The following RAPGEF5 variants were observed in gnomAD, a reference collection of about 807,000 sequenced individuals.
RAPGEF5 encodes M-Ras-regulated GEF.
RAPGEF5 carries 65 observed loss-of-function variants against 125.2 expected under a neutral mutation model. The ratio of observed to expected loss-of-function variants is 0.52; its 90% CI spans 0.43 to 0.64. The LOEUF is 0.64. RAPGEF5 is among the 30% of genes least tolerant of loss of function. The probability of loss-of-function intolerance (pLI) is 0.00; values close to 1 mark genes in which losing one functional copy is unlikely to be tolerated. For synonymous variants in RAPGEF5, 391 were observed against 385.9 expected, an observed-to-expected ratio of 1.01 and a Z score of -0.16; for missense variants, 958 against 1,048.1, an observed-to-expected ratio of 0.91 and a Z score of 1.19.
intron 12 of RAPGEF5, among the ~76,000 whole-genome samples, chr7:22,163,715 C>G (rs767231064): frequency 6.6e-6 from 1 of 152,164 alleles, no homozygotes; most frequent in Non-Finnish European, 1.5e-5. Context: ...CCAATCTATT[C>G]TTGTTGTCTC....
At position 22,290,833 on chromosome 7, in the gene RAPGEF5, C is replaced by CT. The variant is rs1321161174; in HGVS notation, c.747+341dup. ...CCGGCCTTTTTTGGCTGAAGTAATTCTTTTTTTTCCCTAATGAAAGAGTCT... is the reference window on the plus strand; with the variant it reads ...CCGGCCTTTTTTGGCTGAAGTAATTCTTTTTTTTTCCCTAATGAAAGAGTCT... On this transcript the variant is annotated intron_variant, in intron 6 of 25. Coordinates refer to ENST00000665637, the MANE Select transcript of RAPGEF5 (RefSeq NM_012294.5). Among the ~76,000 whole-genome samples the CT allele has an allele frequency of 1.9e-3, 285 of 150,682 alleles. 3 individuals carry two copies. Among genetic ancestry groups the CT allele is most frequent in the African/African-American group, 6.8e-3 (278 of 41,112 alleles).
At chr7:22,304,860 C>A (rs1018602492) in intron 5 of RAPGEF5, among the ~76,000 whole-genome samples, 1 of 152,174 alleles carries the variant, frequency 6.6e-6, no homozygotes, top group Non-Finnish European at 1.5e-5. Context: ...GAGCATATCA[C>A]AATACAGGAC....
rs764194356 is a variant in RAPGEF5 at position 22,145,271 on chromosome 7, T to C, written c.2008-49A>G. The C allele has an allele frequency of 2.4e-5, 37 of 1,529,510 alleles. No homozygotes were observed. The South Asian group carries it at 4.2e-4, about 17-fold the overall frequency. The allele number at this position is 1,529,510 out of a possible 1,614,324, so 94.7% of individuals were successfully genotyped here. Reference sequence around the variant, plus strand: ...AGGGTTTATTTATAGCAAAGTATGGTTGATACAAAACTCGGTCAAATTTTA... The same window carrying C: ...AGGGTTTATTTATAGCAAAGTATGGCTGATACAAAACTCGGTCAAATTTTA... On this transcript the variant is annotated intron_variant, in intron 19 of 25. Coordinates refer to ENST00000665637, the MANE Select transcript of RAPGEF5 (RefSeq NM_012294.5).
chr7:22,315,886 G>A (rs1783578965), intron 2 of RAPGEF5, among the ~76,000 whole-genome samples: 1 of 151,860 alleles, frequency 6.6e-6, no homozygotes, highest in South Asian at 2.1e-4. Flanking sequence ...AACATACACA[G>A]GTCTTGGAAG....
At chr7:22,297,682 ATTTT>A (rs907443738) in intron 5 of RAPGEF5, among the ~76,000 whole-genome samples, 1 of 152,116 alleles carries the variant, frequency 6.6e-6, no homozygotes, top group East Asian at 1.9e-4. Flanking sequence ...TAATCCTGTG[ATTTT>A]TTTTATGTAT....
intron 1 of RAPGEF5, among the ~76,000 whole-genome samples, chr7:22,334,136 G>A (rs756955281): frequency 9.9e-5 from 15 of 151,902 alleles, no homozygotes; most frequent in African/African-American, 1.5e-4. Context: ...CACACCCCAC[G>A]GACCTCAGCA....
intron 5 of RAPGEF5, among the ~76,000 whole-genome samples, chr7:22,303,519 T>A (rs142523000): frequency 6.6e-6 from 1 of 152,226 alleles, no homozygotes; most frequent in Non-Finnish European, 1.5e-5. Flanking sequence ...TGTGTTTACA[T>A]AGAGCCATTA....
chr7:22,135,129 G>C (rs1783040277), intron 23 of RAPGEF5, among the ~76,000 whole-genome samples: 1 of 152,180 alleles, frequency 6.6e-6, no homozygotes, highest in Admixed American at 6.5e-5. Context: ...AATGAGGATG[G>C]CCAGGCCAAC....
intron 5 of RAPGEF5, among the ~76,000 whole-genome samples, chr7:22,306,432 T>C (rs1783343645): frequency 6.6e-6 from 1 of 152,184 alleles, no homozygotes; most frequent in Non-Finnish European, 1.5e-5. Context: ...GATTTTTTCC[T>C]ATAGAGTTGA....
chr7:22,164,572 T>C (rs966834167), intron 12 of RAPGEF5, among the ~76,000 whole-genome samples: 15 of 152,354 alleles, frequency 9.8e-5, no homozygotes, highest in Non-Finnish European at 2.2e-4. Context: ...TCTCCATTCA[T>C]AGTTATCTGC....
At chr7:22,201,528 C>A (rs1340323558) in intron 9 of RAPGEF5, among the ~76,000 whole-genome samples, 2 of 152,184 alleles carry the variant, frequency 1.3e-5, no homozygotes, top group Admixed American at 1.3e-4. Context: ...TCCTGCTGTC[C>A]AGAAAACAAC....
At chr7:22,160,169 C>A (rs547679448) in intron 14 of RAPGEF5, among the ~76,000 whole-genome samples, 1 of 152,170 alleles carries the variant, frequency 6.6e-6, no homozygotes, top group South Asian at 2.1e-4. Context: ...AAAACTTTTC[C>A]TCCCCATTCC....
chr7:22,263,964 T>C (rs965674613), intron 7 of RAPGEF5, among the ~76,000 whole-genome samples: 5 of 152,092 alleles, frequency 3.3e-5, no homozygotes, highest in African/African-American at 9.7e-5. Context: ...CAAGAAAAAA[T>C]AGTTATTTTT....
intron 7 of RAPGEF5, among the ~76,000 whole-genome samples, chr7:22,247,513 T>C (rs1006204869): frequency 6.6e-6 from 1 of 152,112 alleles, no homozygotes; most frequent in Admixed American, 6.6e-5. Flanking sequence ...CCACACACAC[T>C]CTCTTGCCTG....
intron 24 of RAPGEF5, among the ~76,000 whole-genome samples, chr7:22,128,868 A>C: frequency 6.6e-6 from 1 of 152,196 alleles, no homozygotes. Context: ...ATAAAATATA[A>C]TTTCTCTTTA....
At chr7:22,314,427 TG>T in intron 3 of RAPGEF5, 1 of 182,518 alleles carries the variant, frequency 5.5e-6, no homozygotes, top group Non-Finnish European at 1.0e-5. Context: ...TCTGATAGTC[TG>T]GGAATTACTA....
chr7:22,158,154 T>C (rs1028730337), intron 14 of RAPGEF5, among the ~76,000 whole-genome samples: 5 of 152,242 alleles, frequency 3.3e-5, no homozygotes, highest in Admixed American at 2.6e-4. Context: ...AGGGAGGAAC[T>C]GGATCTGCTC....
At chr7:22,161,419 C>T (rs1010412296) in intron 13 of RAPGEF5, among the ~76,000 whole-genome samples, 3 of 151,806 alleles carry the variant, frequency 2.0e-5, no homozygotes, top group Non-Finnish European at 4.4e-5. Flanking sequence ...TGCCTTTAGT[C>T]CCAGATAGTC....
chr7:22,315,499 G>A, intron 2 of RAPGEF5, 23 bp from the exon 3 acceptor site: 5 of 1,411,458 alleles, frequency 3.5e-6, no homozygotes, highest in Non-Finnish European at 3.7e-6. Flanking sequence ...GACAGTCACT[G>A]TAAATATAGA....
Sources: allele counts gnomAD v4.1 joint callset (sites outside exome capture counted in the v4.1 genomes callset), GRCh38; gene constraint gnomAD v4.1.1; transcripts MANE v1.5; gene names NCBI Gene and HGNC (gene_info 2026-07-23, HGNC 2026-07-21).